NUBPL: variants seen among roughly 807,000 people sequenced by gnomAD.
The protein encoded by NUBPL is iron-sulfur cluster transfer protein NUBPL.
In NUBPL, 31 loss-of-function variants were observed where a neutral mutation model predicts 45.7. The observed-to-expected ratio is 0.68, with a 90% CI of 0.51 to 0.92. The LOEUF (loss-of-function observed/expected upper bound fraction) is 0.92, where lower values mean the gene tolerates loss of function less well. NUBPL is among the 40% of genes least tolerant of loss of function. The pLI is 0.00. For missense variants in NUBPL, 401 were observed against 398.7 expected (o/e 1.01, Z -0.05); for synonymous variants, 144 against 140.9 (o/e 1.02, Z -0.15).
intron 4 of NUBPL, among the ~76,000 whole-genome samples, chr14:31,636,312 T>C (rs1232354353): frequency 2.6e-5 from 4 of 152,094 alleles, no homozygotes; most frequent in African/African-American, 4.8e-5. Context: ...CGTTGTTGAA[T>C]TTTGTCAAAG....
rs116484113 is a variant in NUBPL at position 31,781,428 on chromosome 14, C to T, written c.514-6352C>T. ...TATAAAACTACAGAACCAATTTATA[C>T]TGGGATAAAATATTGCTTTTCTAGA... On this transcript the variant is annotated intron_variant, in intron 6 of 10. Transcript: ENST00000281081. 6.5e-3 allele frequency among the ~76,000 whole-genome samples: 996 copies of T among 152,282 alleles called. 12 individuals are homozygous for T. The highest frequency in any genetic ancestry group is 0.022 in the African/African-American group (933 of 41,566).
intron 6 of NUBPL, among the ~76,000 whole-genome samples, chr14:31,761,939 T>C (rs928477988): frequency 2.6e-5 from 4 of 152,316 alleles, no homozygotes; most frequent in African/African-American, 9.6e-5. Flanking sequence ...TTATTACCTA[T>C]ATGAATTTGA....
chr14:31,662,817 A>G (rs1324345791), intron 4 of NUBPL, among the ~76,000 whole-genome samples: 1 of 152,244 alleles, frequency 6.6e-6, no homozygotes, highest in Non-Finnish European at 1.5e-5. Context: ...TCCTTTGGGT[A>G]TATACCCAGT....
At chr14:31,814,812 G>T (rs1337660063) in intron 7 of NUBPL, among the ~76,000 whole-genome samples, 1 of 152,042 alleles carries the variant, frequency 6.6e-6, no homozygotes, top group African/African-American at 2.4e-5. Flanking sequence ...CCCATTGCTG[G>T]TTTTTGGCAG....
rs372504814 is a variant in NUBPL at position 31,602,392 on chromosome 14, T to TAAA, written c.382+3014_382+3015insAAA. The stretch of plus-strand genomic sequence containing the variant: ...TACCCTAAAACTTAAAGTATAATAA[T>TAAA]AGAAAAAAAAAAGAAAAAAAAAGCA... On this transcript the variant is annotated intron_variant, in intron 4 of 10. Coordinates refer to ENST00000281081, the MANE Select transcript of NUBPL (RefSeq NM_025152.3). Among the ~76,000 whole-genome samples the TAAA allele has an allele frequency of 1.2e-4, 17 of 146,550 alleles. 1 individual carries two copies. The highest frequency in any genetic ancestry group is 4.3e-4 in the South Asian group (2 of 4,612).
chr14:31,731,658 G>A (rs1377417371), intron 6 of NUBPL, among the ~76,000 whole-genome samples: 1 of 152,170 alleles, frequency 6.6e-6, no homozygotes, highest in African/African-American at 2.4e-5. Flanking sequence ...TTATATAGCT[G>A]GACAGCTGAG....
chr14:31,645,308 C>T (rs545426720), intron 4 of NUBPL, among the ~76,000 whole-genome samples: 82 of 152,074 alleles, frequency 5.4e-4, no homozygotes, highest in African/African-American at 1.8e-3. Flanking sequence ...CCTCGTGATC[C>T]GCCCATCTCA....
intron 6 of NUBPL, among the ~76,000 whole-genome samples, chr14:31,743,282 T>C: frequency 6.6e-6 from 1 of 152,220 alleles, no homozygotes; most frequent in East Asian, 1.9e-4. Flanking sequence ...TTTCTTTAGC[T>C]AGGTTGCTGA....
At chr14:31,679,963 A>C (rs1023232900) in intron 6 of NUBPL, among the ~76,000 whole-genome samples, 1 of 152,122 alleles carries the variant, frequency 6.6e-6, no homozygotes, top group African/African-American at 2.4e-5. Flanking sequence ...TGTTAGATAT[A>C]TCTTTTATGT....
rs138378744 is a variant in NUBPL at position 31,747,135 on chromosome 14, C to CTTT, written c.514-40643_514-40641dup. Among the ~76,000 whole-genome samples, 48 of 126,264 alleles carry CTTT rather than the reference C, an allele frequency of 3.8e-4. 2 individuals carry two copies. Among genetic ancestry groups the CTTT allele is most frequent in the African/African-American group, 1.4e-3 (42 of 30,740 alleles). 82.8% of individuals were successfully genotyped at this position (126,264 alleles called of 152,430 possible). A position where few individuals can be genotyped will look rare whatever the true frequency, so the allele number is the denominator to read the frequency against. On this transcript the variant is annotated intron_variant, in intron 6 of 10. Transcript: ENST00000281081. ...AGCAGTAAAGCGATTCAGTCCTGGG[C>CTTT]TTTTCTTTTTTTTTTTCTGAGTCGG...
chr14:31,687,341 AAT>A (rs2036977191), intron 6 of NUBPL, among the ~76,000 whole-genome samples: 1 of 152,232 alleles, frequency 6.6e-6, no homozygotes, highest in Non-Finnish European at 1.5e-5. Flanking sequence ...GAATGCCTAA[AAT>A]ATATGTTGAT....
intron 7 of NUBPL, among the ~76,000 whole-genome samples, chr14:31,798,355 G>C (rs2039508582): frequency 8.7e-6 from 1 of 115,598 alleles, no homozygotes; most frequent in Non-Finnish European, 1.7e-5. Flanking sequence ...GTGGTCAGTT[G>C]ATGCCTTTTA....
At chr14:31,669,496 T>A (rs1053254201) in intron 4 of NUBPL, among the ~76,000 whole-genome samples, 1 of 151,890 alleles carries the variant, frequency 6.6e-6, no homozygotes, top group Non-Finnish European at 1.5e-5. Context: ...TGTTTGTGAG[T>A]ACATATGAAG....
At chr14:31,692,462 C>G (rs1477993153) in intron 6 of NUBPL, among the ~76,000 whole-genome samples, 3 of 152,208 alleles carry the variant, frequency 2.0e-5, no homozygotes, top group Non-Finnish European at 4.4e-5. Flanking sequence ...CTGCTGTGGT[C>G]ATAGTGTAAA....
intron 6 of NUBPL, among the ~76,000 whole-genome samples, chr14:31,714,229 A>G (rs1030544149): frequency 2.0e-5 from 3 of 152,198 alleles, no homozygotes; most frequent in Non-Finnish European, 2.9e-5. Flanking sequence ...GAATATAAAG[A>G]CATGATCAAC....
intron 6 of NUBPL, among the ~76,000 whole-genome samples, chr14:31,724,957 C>T (rs2037888379): frequency 6.6e-6 from 1 of 151,160 alleles, no homozygotes; most frequent in South Asian, 2.1e-4. Context: ...GGAGGAAGAA[C>T]ATACAAAATG....
chr14:31,708,491 C>G (rs1337643730), intron 6 of NUBPL, among the ~76,000 whole-genome samples: 1 of 152,170 alleles, frequency 6.6e-6, no homozygotes, highest in African/African-American at 2.4e-5. Flanking sequence ...ATGTATCCCT[C>G]TCTAATAAGG....
chr14:31,741,333 T>C (rs1055136931), intron 6 of NUBPL, among the ~76,000 whole-genome samples: 2 of 152,160 alleles, frequency 1.3e-5, no homozygotes, highest in African/African-American at 4.8e-5. Context: ...AGTTCACTGG[T>C]GCTTCTCAGA....
At chr14:31,702,157 G>A (rs2037354432) in intron 6 of NUBPL, among the ~76,000 whole-genome samples, 1 of 152,204 alleles carries the variant, frequency 6.6e-6, no homozygotes, top group Non-Finnish European at 1.5e-5. Context: ...AAGTGCATAA[G>A]GTGGAGTCTG....
Sources: gnomAD v4.1 joint callset for allele counts (sites outside exome capture counted in the v4.1 genomes callset) on GRCh38, gnomAD v4.1.1 for gene constraint, MANE v1.5 for transcripts, NCBI Gene and HGNC (gene_info 2026-07-23, HGNC 2026-07-21) for gene names.